Variants in NDE1 observed in about 807,000 individuals in gnomAD.
The protein encoded by NDE1 is nuclear distribution protein nudE homolog 1.
Under a neutral mutation model 43.4 loss-of-function variants are expected in NDE1, and 28 were observed. The ratio of observed to expected loss-of-function variants is 0.65; its 90% CI spans 0.48 to 0.89. NDE1 has a LOEUF of 0.89. Among genes scored for constraint, NDE1 ranks in the 40% least tolerant of loss-of-function variants. NDE1 has a pLI of 0.00. For missense variants in NDE1, 441 were observed against 434.1 expected (o/e 1.02, Z -0.14); for synonymous variants, 184 against 172.0 (o/e 1.07, Z -0.55).
At chr16:15,704,266 A>G in intron 8 of NDE1, 2 of 877,406 alleles carry the variant, frequency 2.3e-6, no homozygotes, top group Non-Finnish European at 3.5e-6. Flanking sequence ...CACGGCACAA[A>G]TAAGATGCAG....
chr16:15,686,986 C>G lies in NDE1; in HGVS notation c.387-389C>G, dbSNP rs537329111. The G allele has an allele frequency of 6.2e-4, 614 of 985,394 alleles. 1 individual carries two copies. Among genetic ancestry groups the G allele is most frequent in the South Asian group, 8.9e-4 (19 of 21,284 alleles). 61.0% of individuals were successfully genotyped at this position (985,394 alleles called of 1,614,324 possible). On this transcript the variant is annotated intron_variant, in intron 4 of 8. Transcript: ENST00000396354. ...GGCTGGGATTACAGGCATGAGCCAC[C>G]TTGCCCAGTCATATTAGGTTATTTT...
intron 8 of NDE1, chr16:15,701,621 GT>G (rs1245309185): frequency 6.6e-6 from 1 of 152,222 alleles, no homozygotes; most frequent in African/African-American, 2.4e-5. Context: ...ACCATGGTGT[GT>G]CCACTCATCA....
At chr16:15,688,957 C>G (rs2038591482) in intron 5 of NDE1, among the ~76,000 whole-genome samples, 2 of 151,890 alleles carry the variant, frequency 1.3e-5, no homozygotes, top group African/African-American at 4.8e-5. Flanking sequence ...CTCGGCCTCC[C>G]AAAGTGCTGG....
chr16:15,714,808 C>T, intron 8 of NDE1: 1 of 1,410,034 alleles, frequency 7.1e-7, no homozygotes, highest in Non-Finnish European at 9.9e-7. Flanking sequence ...GGAGTGGCGG[C>T]TGTGGGCACA....
chr16:15,661,463 T>C (rs917032532), intron 1 of NDE1, among the ~76,000 whole-genome samples: 2 of 151,608 alleles, frequency 1.3e-5, no homozygotes, highest in Non-Finnish European at 2.9e-5. Context: ...TTCCTTTTGA[T>C]TGTCCTTTTT....
At chr16:15,652,580 G>T (rs531503144) in intron 1 of NDE1, among the ~76,000 whole-genome samples, 2 of 152,326 alleles carry the variant, frequency 1.3e-5, no homozygotes, top group Admixed American at 1.3e-4. Flanking sequence ...CAAAACCACA[G>T]TAGGAAAAAT....
chr16:15,646,312 C>T (rs910035601), upstream of NDE1, among the ~76,000 whole-genome samples: 2 of 152,198 alleles, frequency 1.3e-5, no homozygotes, highest in African/African-American at 4.8e-5. Context: ...CGCAGTGGCT[C>T]ACGCCTGTAA....
At chr16:15,670,415 C>A (rs1243656093) in intron 3 of NDE1, among the ~76,000 whole-genome samples, 1 of 152,034 alleles carries the variant, frequency 6.6e-6, no homozygotes, top group Admixed American at 6.6e-5. Context: ...CCCAGCACTT[C>A]AGGAGGCCGA....
chr16:15,719,695 G>C (rs766356741), intron 8 of NDE1: 6 of 1,614,160 alleles, frequency 3.7e-6, no homozygotes, highest in Non-Finnish European at 5.1e-6. Context: ...AGCTCTCTTT[G>C]AAAGTCCTTC....
chr16:15,719,618 C>G, intron 8 of NDE1: 1 of 1,614,192 alleles, frequency 6.2e-7, no homozygotes, highest in African/African-American at 1.3e-5. Flanking sequence ...CTTCCAAGCT[C>G]TTGGCTTTCT....
intron 8 of NDE1, chr16:15,708,978 T>C: frequency 1.0e-6 from 1 of 953,170 alleles, no homozygotes; most frequent in South Asian, 1.5e-5. Flanking sequence ...AGATAGTCTC[T>C]GTCACCCAGG....
At chr16:15,707,996 G>T (rs2039557164) in intron 8 of NDE1, among the ~76,000 whole-genome samples, 1 of 150,058 alleles carries the variant, frequency 6.7e-6, no homozygotes, top group African/African-American at 2.5e-5. Context: ...TCCCAGAGCA[G>T]CAGAGACCTC....
Position 15,721,592 on chromosome 16 carries a change from C to T in NDE1, c.948-2599C>T, listed in dbSNP as rs753301051. 7 of 1,614,204 alleles carry T rather than the reference C, an allele frequency of 4.3e-6. No homozygotes were observed. The highest frequency in any genetic ancestry group is 5.9e-6 in the Non-Finnish European group (7 of 1,180,046). Reference sequence around the variant, plus strand: ...GCTTCTGCCTCAGCTCTGTCCCTCTCATCCGCGTATTTGGAAGAGATGTTT... The same window carrying T: ...GCTTCTGCCTCAGCTCTGTCCCTCTTATCCGCGTATTTGGAAGAGATGTTT... On this transcript the variant is annotated intron_variant, in intron 8 of 8. Coordinates refer to ENST00000396354, the MANE Select transcript of NDE1 (RefSeq NM_017668.3).
In NDE1 at chr16:15,720,856, T is replaced by G. The variant is rs114556043; in HGVS notation, c.948-3335T>G. The G allele has an allele frequency of 1.9e-4, 312 of 1,613,766 alleles. 1 individual carries two copies. The African/African-American group carries it at 3.5e-3, about 18-fold the overall frequency. On this transcript the variant is annotated intron_variant, in intron 8 of 8. Coordinates refer to ENST00000396354, the MANE Select transcript of NDE1 (RefSeq NM_017668.3). ...GCACGCACCTGTCTCTGCAGTTGCC[T>G]CCTCTTCTCCTCATTCTGCTCGTCC...
intron 8 of NDE1, chr16:15,708,949 G>A (rs1216796167): frequency 2.5e-6 from 3 of 1,185,266 alleles, no homozygotes; most frequent in Non-Finnish European, 3.7e-6. Flanking sequence ...AATAATTAAA[G>A]GCACTCTTTT....
At chr16:15,674,450 T>C (rs1402159535) in intron 3 of NDE1, among the ~76,000 whole-genome samples, 1 of 151,990 alleles carries the variant, frequency 6.6e-6, no homozygotes, top group African/African-American at 2.4e-5. Flanking sequence ...GGTTTCACCA[T>C]GTTGTCCAGG....
chr16:15,719,699 G>T (rs2040364464), intron 8 of NDE1: 4 of 1,614,180 alleles, frequency 2.5e-6, no homozygotes, highest in Non-Finnish European at 2.5e-6. Context: ...CTCTTTGAAA[G>T]TCCTTCATCT....
intron 8 of NDE1, chr16:15,699,837 C>G (rs778417205): frequency 2.2e-6 from 3 of 1,349,008 alleles, no homozygotes; most frequent in Non-Finnish European, 2.9e-6. Context: ...ACCACGGAAG[C>G]TGAAGGTCTT....
At chr16:15,667,085 A>C (rs2037344521) in intron 2 of NDE1, among the ~76,000 whole-genome samples, 1 of 152,084 alleles carries the variant, frequency 6.6e-6, no homozygotes, top group Non-Finnish European at 1.5e-5. Context: ...GTCACTACTA[A>C]AAATACAAAA....
Sources: gnomAD v4.1 joint callset for allele counts (sites outside exome capture counted in the v4.1 genomes callset) on GRCh38, gnomAD v4.1.1 for gene constraint, MANE v1.5 for transcripts, NCBI Gene and HGNC (gene_info 2026-07-23, HGNC 2026-07-21) for gene names.